Variants in ADCY8 observed in about 807,000 individuals in gnomAD.
ADCY8 encodes adenylate cyclase type 8.
Under a neutral mutation model 119.7 loss-of-function variants are expected in ADCY8, and 51 were observed. The observed-to-expected ratio is 0.43, with a 90% CI of 0.34 to 0.54. The LOEUF (loss-of-function observed/expected upper bound fraction) is 0.54, where lower values mean the gene tolerates loss of function less well. Ranked by LOEUF, ADCY8 falls within the 20% of genes least tolerant of loss-of-function variation. ADCY8 has a pLI of 0.03. For missense variants in ADCY8, 1,383 were observed against 1,598.8 expected (o/e 0.87, Z 2.30); for synonymous variants, 665 against 651.0 (o/e 1.02, Z -0.33).
intron 1 of ADCY8, among the ~76,000 whole-genome samples, chr8:130,992,124 G>A (rs111359474): frequency 0.016 from 2,382 of 150,286 alleles, 39 homozygotes; most frequent in African/African-American, 0.036. Context: ...CCATCACCCA[G>A]GCTGGAGTGC....
intron 15 of ADCY8, among the ~76,000 whole-genome samples, chr8:130,799,848 T>G (rs1815712516): frequency 6.6e-6 from 1 of 152,284 alleles, no homozygotes; most frequent in Non-Finnish European, 1.5e-5. Flanking sequence ...GGATGGACAC[T>G]GGTGTCCTTC....
intron 14 of ADCY8, among the ~76,000 whole-genome samples, chr8:130,802,699 G>A (rs1001068003): frequency 2.6e-5 from 4 of 152,336 alleles, no homozygotes; most frequent in East Asian, 3.9e-4. Context: ...TGCTGTAGGT[G>A]CTCTGCCTGC....
intron 12 of ADCY8, among the ~76,000 whole-genome samples, chr8:130,828,211 T>A (rs940114192): frequency 6.6e-6 from 1 of 152,180 alleles, no homozygotes; most frequent in East Asian, 1.9e-4. Flanking sequence ...ATCCTCTCTG[T>A]GTATGCAATG....
At chr8:130,785,080 G>A (rs1815207800) in intron 16 of ADCY8, among the ~76,000 whole-genome samples, 1 of 152,158 alleles carries the variant, frequency 6.6e-6, no homozygotes, top group South Asian at 2.1e-4. Context: ...TAGTATTAGG[G>A]GTTTAGTAAG....
chr8:130,800,756 C>G (rs1815751947), intron 14 of ADCY8, among the ~76,000 whole-genome samples, 184 bp from the exon 15 acceptor site: 1 of 152,150 alleles, frequency 6.6e-6, no homozygotes, highest in Non-Finnish European at 1.5e-5. Context: ...TAACAAAATA[C>G]CTTAGACTGA....
At chr8:130,805,445 T>C (rs17226545) in intron 14 of ADCY8, among the ~76,000 whole-genome samples, 82,969 of 152,082 alleles carry the variant, frequency 0.55, 23,507 homozygotes, top group Middle Eastern at 0.65. Context: ...GTCCATCTGA[T>C]TGGGTGGTCG....
At chr8:130,902,789 A>C (rs923828383) in intron 7 of ADCY8, among the ~76,000 whole-genome samples, 1 of 152,046 alleles carries the variant, frequency 6.6e-6, no homozygotes, top group African/African-American at 2.4e-5. Context: ...TGGGTACTTC[A>C]TGGTACTCTC....
At chr8:130,959,861 G>A (rs978739795) in intron 2 of ADCY8, among the ~76,000 whole-genome samples, 3 of 152,220 alleles carry the variant, frequency 2.0e-5, no homozygotes, top group African/African-American at 4.8e-5. Flanking sequence ...GTAGAGTGGC[G>A]TGAGGGTATG....
At chr8:130,922,282 C>CAATAGTGG (rs954539805) in intron 5 of ADCY8, among the ~76,000 whole-genome samples, 1 of 145,430 alleles carries the variant, frequency 6.9e-6, no homozygotes, top group African/African-American at 2.6e-5. Context: ...GGTCACAGGA[C>CAATAGTGG]AATAGTGGAG....
chr8:130,864,802 A>T (rs1243993665), intron 9 of ADCY8, among the ~76,000 whole-genome samples: 1 of 152,118 alleles, frequency 6.6e-6, no homozygotes, highest in African/African-American at 2.4e-5. Flanking sequence ...TTAATATATT[A>T]ATAAGTTATT....
At chr8:130,913,143 A>G (rs992060685) in intron 5 of ADCY8, among the ~76,000 whole-genome samples, 13 of 152,210 alleles carry the variant, frequency 8.5e-5, no homozygotes, top group Non-Finnish European at 1.6e-4. Context: ...TAATCACATC[A>G]TGGAGAATGG....
intron 5 of ADCY8, among the ~76,000 whole-genome samples, chr8:130,913,911 A>G (rs1475453924): frequency 6.6e-6 from 1 of 152,178 alleles, no homozygotes; most frequent in East Asian, 1.9e-4. Flanking sequence ...AACTTAGAGA[A>G]GTTATTTTAT....
chr8:130,888,339 T>C (rs898657367), intron 7 of ADCY8, among the ~76,000 whole-genome samples: 3 of 152,064 alleles, frequency 2.0e-5, no homozygotes, highest in Non-Finnish European at 4.4e-5. Context: ...GGATGTCAGA[T>C]TGAAGCAGCA....
At chr8:130,834,929 A>T (rs1411248041) in intron 12 of ADCY8, among the ~76,000 whole-genome samples, 1 of 151,842 alleles carries the variant, frequency 6.6e-6, no homozygotes, top group East Asian at 1.9e-4. Context: ...GACAGAGAGG[A>T]GAATAATACT....
chr8:130,989,940 C>T (rs533909087), intron 2 of ADCY8, among the ~76,000 whole-genome samples: 208 of 152,258 alleles, frequency 1.4e-3, no homozygotes, highest in African/African-American at 4.8e-3. Context: ...GTGTACATCT[C>T]TTCTAAAAAT....
At chr8:130,900,567 G>A (rs1271126199) in intron 7 of ADCY8, among the ~76,000 whole-genome samples, 1 of 152,152 alleles carries the variant, frequency 6.6e-6, no homozygotes, top group Non-Finnish European at 1.5e-5. Context: ...GTCTCCATTT[G>A]ACTTTGCTGA....
intron 1 of ADCY8, among the ~76,000 whole-genome samples, chr8:131,014,202 G>T (rs546663359): frequency 1.3e-5 from 2 of 152,218 alleles, no homozygotes; most frequent in African/African-American, 4.8e-5. Context: ...ATAAGCATAA[G>T]CAAATCTATT....
intron 2 of ADCY8, among the ~76,000 whole-genome samples, chr8:130,986,943 T>A (rs1261297210): frequency 1.3e-5 from 2 of 152,200 alleles, no homozygotes; most frequent in East Asian, 3.8e-4. Context: ...CTTTAATAGG[T>A]CATACGTATC....
chr8:131,001,962 C>T (rs1309045932), intron 1 of ADCY8, among the ~76,000 whole-genome samples: 1 of 152,180 alleles, frequency 6.6e-6, no homozygotes, highest in Non-Finnish European at 1.5e-5. Context: ...TGCCATTTAC[C>T]TCCAGGGGGA....
Sources: allele counts gnomAD v4.1 joint callset (sites outside exome capture counted in the v4.1 genomes callset), GRCh38; gene constraint gnomAD v4.1.1; transcripts MANE v1.5; gene names NCBI Gene and HGNC (gene_info 2026-07-23, HGNC 2026-07-21).